The following MUC17 variants were observed in gnomAD, a reference collection of about 807,000 sequenced individuals.
MUC17 encodes the protein mucin-17.
MUC17 carries 190 observed loss-of-function variants against 170.3 expected under a neutral mutation model. The observed-to-expected ratio is 1.12, with a 90% CI of 0.99 to 1.26. MUC17 has a LOEUF of 1.26. Among genes scored for constraint, MUC17 ranks in the 50% most tolerant of loss-of-function variants. The pLI is 0.00. For synonymous variants in MUC17, 2,325 were observed against 2,002.5 expected (o/e 1.16, Z -4.30); for missense variants, 6,415 against 5,530.0 (o/e 1.16, Z -5.08).
In MUC17 at chr7:101,035,287, A is replaced by T. The variant is rs75492258; in HGVS notation, c.3871A>T (p.Thr1291Ser). ...TATACCTGTCAGCACCACGCTGGTG[A>T]CCAGTCCTGAGGCTAGCACCCTTTT... ...TSIPVSTTLV[T>S]SPEASTLLTT... is the part of the protein sequence containing the mutation. The change falls in exon 3 of 13, where the codon ACC becomes TCC. Residue 1291 changes from threonine to serine, a missense_variant. Coordinates refer to ENST00000306151, the MANE Select transcript of MUC17 (RefSeq NM_001040105.2). 108,135 of 1,448,268 alleles carry T rather than the reference A, an allele frequency of 0.075. No homozygotes were observed. The highest frequency in any genetic ancestry group is 0.23 in the African/African-American group (15,482 of 66,558). 89.7% of individuals were successfully genotyped at this position (1,448,268 alleles called of 1,614,324 possible).
In MUC17 at chr7:101,033,045, C is replaced by A. The variant is rs555384497; in HGVS notation, c.1629C>A (p.Thr543=). 6.2e-7 allele frequency: 1 copy of A among 1,613,684 alleles called. No homozygotes were observed. Among genetic ancestry groups the A allele is most frequent in the Non-Finnish European group, 8.5e-7 (1 of 1,179,968 alleles). ...TTPVDTSTPV[T]TSSEASSSST... is the part of the protein sequence containing the mutation. ...CTGTTGACACCAGCACACCTGTGAC[C>A]ACTTCTAGTGAAGCCAGTTCATCTT... The change falls in exon 3 of 13, where the codon ACC becomes ACA. Residue 543 remains threonine (T), a synonymous_variant. Transcript: ENST00000306151.
chr7:101,047,808 G>T (rs55908140), intron 3 of MUC17, among the ~76,000 whole-genome samples, 176 bp from the exon 4 acceptor site: 8,979 of 152,220 alleles, frequency 0.059, 357 homozygotes, highest in Middle Eastern at 0.15. Context: ...TCCAGCCTGG[G>T]TGACAAGGGT....
At position 101,033,710 on chromosome 7, in the gene MUC17, G is replaced by A. The variant is rs71557226; in HGVS notation, c.2294G>A (p.Ser765Asn). 6.2e-7 allele frequency: 1 copy of A among 1,613,622 alleles called. No individual in the cohort carries two copies. Among genetic ancestry groups the A allele is most frequent in the Non-Finnish European group, 8.5e-7 (1 of 1,179,616 alleles). The part of the protein sequence containing the change: ...SKTLLTSSEA[S>N]TLSTTPLDTS... Reference sequence around the variant, plus strand: ...ACGCTGTTGACCAGTTCTGAGGCTAGCACCCTTTCAACAACTCCTCTTGAC... The same window carrying A: ...ACGCTGTTGACCAGTTCTGAGGCTAACACCCTTTCAACAACTCCTCTTGAC... Residue 765 changes from serine to asparagine, a missense_variant, in exon 3 of 13, where the codon AGC becomes AAC. Ser to Asn is a conservative substitution (Grantham distance 46). Coordinates refer to ENST00000306151, the MANE Select transcript of MUC17 (RefSeq NM_001040105.2).
Position 101,045,375 on chromosome 7 carries a change from TTTTTC to T in MUC17, c.12403+1576_12403+1580del, listed in dbSNP as rs568174086. ...TGCTGAATTCTACTTTGCCTGAACT[TTTTTC>T]TTTTCTTTTCTTTTCTTTTTCTTTT... On this transcript the variant is annotated intron_variant, in intron 3 of 12. Transcript: ENST00000306151. 1.7e-3 allele frequency among the ~76,000 whole-genome samples: 264 copies of T among 152,024 alleles called. 1 individual carries two copies. The highest frequency in any genetic ancestry group is 2.3e-3 in the Non-Finnish European group (154 of 67,982).
chr7:101,057,205 G>A (rs1214935662), intron 12 of MUC17, among the ~76,000 whole-genome samples: 4 of 152,112 alleles, frequency 2.6e-5, no homozygotes, highest in East Asian at 1.9e-4. Flanking sequence ...GATTAAGGCC[G>A]AGATTGGTCA....
Position 101,043,205 on chromosome 7 carries a change from C to A in MUC17, c.11789C>A (p.Thr3930Lys). 6.2e-7 allele frequency: 1 copy of A among 1,614,152 alleles called. No homozygotes were observed. The highest frequency in any genetic ancestry group is 8.5e-7 in the Non-Finnish European group (1 of 1,180,014). ...VATTISVSVITEGSTPGTTIF... is the reference protein window; with the variant it reads ...VATTISVSVIKEGSTPGTTIF... ...ACCACCATATCTGTATCAGTGATCACAGAAGGAAGCACACCTGGGACAACC... is the reference window on the plus strand; with the variant it reads ...ACCACCATATCTGTATCAGTGATCAAAGAAGGAAGCACACCTGGGACAACC... Residue 3930 changes from threonine to lysine, a missense_variant, in exon 3 of 13, where the codon ACA becomes AAA. By Grantham distance (78) the Thr-to-Lys change is moderately conservative. Coordinates refer to ENST00000306151, the MANE Select transcript of MUC17 (RefSeq NM_001040105.2).
chr7:101,037,892 G>C lies in MUC17; in HGVS notation c.6476G>C (p.Arg2159Thr), dbSNP rs533982168. 190 of 1,609,866 alleles carry C rather than the reference G, an allele frequency of 1.2e-4. 1 individual carries two copies. In the South Asian group the frequency reaches 2.0e-3, roughly 17 times the overall value. Residue 2159 changes from arginine to threonine, a missense_variant, in exon 3 of 13, where the codon AGA becomes ACA. By Grantham distance (71) the Arg-to-Thr change is moderately conservative. Coordinates refer to ENST00000306151, the MANE Select transcript of MUC17 (RefSeq NM_001040105.2). ...TSMQTSTYSDRRTPLTSMPVS... is the reference protein window; with the variant it reads ...TSMQTSTYSDTRTPLTSMPVS... Reference sequence around the variant, plus strand: ...ATGCAAACCTCAACTTATAGTGACAGAAGAACTCCTTTAACAAGTATGCCT... The same window carrying C: ...ATGCAAACCTCAACTTATAGTGACACAAGAACTCCTTTAACAAGTATGCCT...
At position 101,033,471 on chromosome 7, in the gene MUC17, A is replaced by C; in HGVS notation, c.2055A>C (p.Glu685Asp). Reference sequence around the variant, plus strand: ...GCATGCCAACCTCAACTTATACTGAAGGAAGCACTCCATTAACAAGTATGC... The same window carrying C: ...GCATGCCAACCTCAACTTATACTGACGGAAGCACTCCATTAACAAGTATGC... The part of the protein sequence containing the change: ...GTSMPTSTYT[E>D]GSTPLTSMPV... Residue 685 changes from glutamate to aspartate, a missense_variant, in exon 3 of 13, where the codon GAA becomes GAC. Coordinates refer to ENST00000306151, the MANE Select transcript of MUC17 (RefSeq NM_001040105.2). 1 of 1,613,486 alleles carries C rather than the reference A, an allele frequency of 6.2e-7. No homozygotes were observed. The highest frequency in any genetic ancestry group is 8.5e-7 in the Non-Finnish European group (1 of 1,179,722).
Position 101,032,320 on chromosome 7 carries a change from A to G in MUC17, c.904A>G (p.Thr302Ala). 1 of 1,611,356 alleles carries G rather than the reference A, an allele frequency of 6.2e-7. No homozygotes were observed. Among genetic ancestry groups the G allele is most frequent in the Non-Finnish European group, 8.5e-7 (1 of 1,179,098 alleles). The change falls in exon 3 of 13, where the codon ACC (threonine) becomes GCC (alanine). Residue 302 changes from threonine (T) to alanine (A), a missense_variant. Coordinates refer to ENST00000306151, the MANE Select transcript of MUC17 (RefSeq NM_001040105.2). ...CACCCTTTCAACAACTCCTGCTGCCACCAACATTCCTGTGATCACTTCTAC... is the reference window on the plus strand; with the variant it reads ...CACCCTTTCAACAACTCCTGCTGCCGCCAACATTCCTGTGATCACTTCTAC... Reference protein sequence around the residue: ...ASTLSTTPAATNIPVITSTEA... With the variant: ...ASTLSTTPAAANIPVITSTEA...
chr7:101,038,310 C>T lies in MUC17; in HGVS notation c.6894C>T (p.Thr2298=). 1.2e-6 allele frequency: 2 copies of T among 1,613,410 alleles called. No homozygotes were observed. ...HTLVANSEVS[T]LSTTPVDSNT... ...TGGTGGCCAATTCTGAGGTTAGCAC[C>T]CTTTCAACAACTCCTGTTGACTCCA... is the stretch of plus-strand genomic sequence containing the variant. The change falls in exon 3 of 13, where the codon ACC becomes ACT. Residue 2298 remains threonine (T), a synonymous_variant. Transcript: ENST00000306151.
At chr7:101,052,482 G>A (rs1794965923) in intron 9 of MUC17, among the ~76,000 whole-genome samples, 1 of 152,194 alleles carries the variant, frequency 6.6e-6, no homozygotes, top group South Asian at 2.1e-4. Context: ...GTTAATTTGG[G>A]AAGGCTTCCT....
At position 101,048,868 on chromosome 7, in the gene MUC17, C is replaced by T. The variant is rs117698587; in HGVS notation, c.12559C>T (p.Gln4187Ter). ...DIGPPETISA[Q>*]MELTVTVTSV... ...AGGGCCACCGGAGACTATCTCTGCC[C>T]AAATGGAACTGACTGTGACAGTGAC... The change falls in exon 5 of 13, where the codon CAA (glutamine) becomes TAA (stop). Residue 4187 changes from glutamine to a stop codon, truncating the protein, a stop_gained. Coordinates refer to ENST00000306151, the MANE Select transcript of MUC17 (RefSeq NM_001040105.2). LOFTEE classifies it high-confidence loss of function. 1,397 of 1,614,004 alleles carry T rather than the reference C, an allele frequency of 8.7e-4. 4 individuals carry two copies. The highest frequency in any genetic ancestry group is 4.9e-3 in the Middle Eastern group (30 of 6,062).
At position 101,050,577 on chromosome 7, in the gene MUC17, G is replaced by T. The variant is rs1794921224; in HGVS notation, c.12816G>T (p.Val4272=). 1 of 1,614,046 alleles carries T rather than the reference G, an allele frequency of 6.2e-7. No individual in the cohort carries two copies. Reference sequence around the variant, plus strand: ...TATTGGACAATGCCACCGAAGTAGTGAAAGAGAAAATCACAAAAGTGACCA... The same window carrying T: ...TATTGGACAATGCCACCGAAGTAGTTAAAGAGAAAATCACAAAAGTGACCA... The part of the protein sequence containing the change: ...KTVLDNATEV[V]KEKITKVTTQ... The change falls in exon 7 of 13, where the codon GTG becomes GTT. Residue 4272 remains valine, a synonymous_variant. Transcript: ENST00000306151.
chr7:101,051,713 G>A (rs201430205), intron 8 of MUC17, 32 bp downstream of exon 8: 3 of 1,608,526 alleles, frequency 1.9e-6, no homozygotes, highest in Non-Finnish European at 1.7e-6. Flanking sequence ...TTGGGGGAAG[G>A]CTGGAGAGGT....
intron 1 of MUC17, among the ~76,000 whole-genome samples, chr7:101,025,511 G>A (rs1173076426): frequency 1.3e-5 from 2 of 151,336 alleles, no homozygotes; most frequent in East Asian, 1.9e-4. Context: ...AAAAATATAG[G>A]CCAAGCACAG....
intron 9 of MUC17, 31 bp downstream of exon 9, chr7:101,051,993 C>T (rs1298501920): frequency 1.9e-6 from 3 of 1,593,018 alleles, no homozygotes; most frequent in Non-Finnish European, 1.7e-6. Flanking sequence ...TCCAGCCCAG[C>T]CCAGACGTCC....
chr7:101,046,876 A>C (rs1034218509), intron 3 of MUC17, among the ~76,000 whole-genome samples: 3 of 151,956 alleles, frequency 2.0e-5, no homozygotes, highest in Non-Finnish European at 4.4e-5. Context: ...TCAGGAGATC[A>C]AGACCATCCT....
Position 101,042,288 on chromosome 7 carries a change from C to A in MUC17, c.10872C>A (p.Thr3624=). ...NSTPTPPEVI[T]LPMSTPSEVS... is the part of the protein sequence containing the mutation. Reference sequence around the variant, plus strand: ...CTCCTACACCTCCTGAAGTTATCACCCTGCCAATGTCAACTCCTAGTGAAG... The same window carrying A: ...CTCCTACACCTCCTGAAGTTATCACACTGCCAATGTCAACTCCTAGTGAAG... Residue 3624 remains threonine, a synonymous_variant, in exon 3 of 13, where the codon ACC becomes ACA. Transcript: ENST00000306151. 1 of 1,613,894 alleles carries A rather than the reference C, an allele frequency of 6.2e-7. No homozygotes were observed. Among genetic ancestry groups the A allele is most frequent in the Admixed American group, 1.7e-5 (1 of 59,992 alleles).
chr7:101,031,797 A>C lies in MUC17; in HGVS notation c.381A>C (p.Thr127=). 6.2e-7 allele frequency: 1 copy of C among 1,610,108 alleles called. No individual in the cohort carries two copies. The highest frequency in any genetic ancestry group is 8.5e-7 in the Non-Finnish European group (1 of 1,176,380). ...CAGAATCTACCAGTGACAGCACCAC[A>C]CTTTTCCCCAGTTCTACTGAAGACA... ...TTSESTSDST[T]LFPSSTEDTS... is the part of the protein sequence containing the mutation. Residue 127 remains threonine (T), a synonymous_variant, in exon 3 of 13, where the codon ACA becomes ACC. Transcript: ENST00000306151.
Sources: gnomAD v4.1 joint callset for allele counts (sites outside exome capture counted in the v4.1 genomes callset) on GRCh38, gnomAD v4.1.1 for gene constraint, MANE v1.5 for transcripts, NCBI Gene and HGNC (gene_info 2026-07-23, HGNC 2026-07-21) for gene names.